Variants in HEATR5B observed in about 807,000 individuals in gnomAD.
HEATR5B encodes HEAT repeat-containing protein 5B.
Under a neutral mutation model 224.1 loss-of-function variants are expected in HEATR5B, and 156 were observed. The observed-to-expected ratio is 0.70, with a 90% CI of 0.61 to 0.80. HEATR5B has a LOEUF of 0.80. Among genes scored for constraint, HEATR5B ranks in the 30% least tolerant of loss-of-function variants. The pLI is 0.00. For synonymous variants in HEATR5B, 1,027 were observed against 893.0 expected, an observed-to-expected ratio of 1.15 and a Z score of -2.68; for missense variants, 2,323 against 2,535.5, an observed-to-expected ratio of 0.92 and a Z score of 1.80.
At chr2:37,000,208 G>A (rs1255576407) in intron 33 of HEATR5B, among the ~76,000 whole-genome samples, 2 of 151,826 alleles carry the variant, frequency 1.3e-5, no homozygotes, top group Non-Finnish European at 2.9e-5. Flanking sequence ...CTCCCAAGTA[G>A]CTGGGATTAC....
At chr2:37,081,620 T>C (rs1672574704) in intron 2 of HEATR5B, among the ~76,000 whole-genome samples, 2 of 152,142 alleles carry the variant, frequency 1.3e-5, no homozygotes, top group East Asian at 1.9e-4. Context: ...GAGGGAATGG[T>C]TGAGAGTCTA....
rs1273202312 is a variant in HEATR5B, at chr2:37,084,368, A to G, written c.-122T>C. The G allele has an allele frequency of 1.4e-5, 8 of 557,040 alleles. No individual in the cohort carries two copies. Among genetic ancestry groups the G allele is most frequent in the Admixed American group, 4.4e-5 (1 of 22,812 alleles). The allele number at this position is 557,040 out of a possible 1,614,324, so 34.5% of individuals were successfully genotyped here. A position where few individuals can be genotyped will look rare whatever the true frequency, so the allele number is the denominator to read the frequency against. On this transcript the variant is annotated 5_prime_UTR_variant, in exon 1 of 36. Transcript: ENST00000233099. Reference sequence around the variant, plus strand: ...TCCCGCACTCCTACCTGCAGGAAACAAGGGAAGAGCGCTTGCGCGGAGGGC... The same window carrying G: ...TCCCGCACTCCTACCTGCAGGAAACGAGGGAAGAGCGCTTGCGCGGAGGGC...
intron 21 of HEATR5B, among the ~76,000 whole-genome samples, chr2:37,037,215 G>C (rs1169534244): frequency 1.4e-5 from 2 of 143,088 alleles, no homozygotes; most frequent in Non-Finnish European, 3.1e-5. Context: ...GTGCGATCTC[G>C]GCTCACTGCA....
At chr2:37,003,431 G>A (rs1667217712) in intron 31 of HEATR5B, 111 bp downstream of exon 31, 2 of 751,400 alleles carry the variant, frequency 2.7e-6, no homozygotes, top group South Asian at 2.1e-5. Context: ...ATGAGACCCT[G>A]CCTCTAAAAA....
At position 37,005,738 on chromosome 2, in the gene HEATR5B, C is replaced by G. The variant is rs1041914432; in HGVS notation, c.4799G>C (p.Cys1600Ser). ...AATGGGCTCCTCAGGTCTAGGGGAACAAAGAAACTGTATACTCACACCTGA... is the reference window on the plus strand; with the variant it reads ...AATGGGCTCCTCAGGTCTAGGGGAAGAAAGAAACTGTATACTCACACCTGA... ...LILGVSIQFLCSPRPEEPIEH... is the reference protein window; with the variant it reads ...LILGVSIQFLSSPRPEEPIEH... Residue 1600 changes from cysteine to serine, a missense_variant, in exon 30 of 36, where the codon TGT becomes TCT. Coordinates refer to ENST00000233099, the MANE Select transcript of HEATR5B (RefSeq NM_019024.3). 8 of 1,595,332 alleles carry G rather than the reference C, an allele frequency of 5.0e-6. No homozygotes were observed. Among genetic ancestry groups the G allele is most frequent in the Non-Finnish European group, 6.8e-6 (8 of 1,174,388 alleles).
intron 22 of HEATR5B, among the ~76,000 whole-genome samples, chr2:37,031,536 C>T (rs545284619): frequency 1.1e-4 from 16 of 150,286 alleles, no homozygotes; most frequent in Non-Finnish European, 2.1e-4. Flanking sequence ...CAAGTAGTCT[C>T]AATTTTGTTT....
Position 37,013,936 on chromosome 2 carries a change from C to T in HEATR5B, c.4189G>A (p.Asp1397Asn), listed in dbSNP as rs1200394685. 3 of 1,612,560 alleles carry T rather than the reference C, an allele frequency of 1.9e-6. No individual in the cohort carries two copies. Among genetic ancestry groups the T allele is most frequent in the African/African-American group, 2.7e-5 (2 of 74,788 alleles). The change falls in exon 27 of 36, where the codon GAC becomes AAC. Residue 1397 changes from aspartate (D) to asparagine (N), a missense_variant. Asp to Asn is a conservative substitution (Grantham distance 23). This residue lies in a region of HEATR5B where 844 missense variants were observed against 812.9 expected (regional missense o/e 1.04). Transcript: ENST00000233099. Reference sequence around the variant, plus strand: ...GATCCTTTTCCAGCCTGAACTTTGTCCAGAGAAGAAACAAGAAGATTGTGT... The same window carrying T: ...GATCCTTTTCCAGCCTGAACTTTGTTCAGAGAAGAAACAAGAAGATTGTGT... The part of the protein sequence containing the change: ...RVHNLLVSSL[D>N]KVQAGKGSSS...
chr2:36,990,867 G>A, intron 33 of HEATR5B, 68 bp from the exon 34 acceptor site: 2 of 1,327,458 alleles, frequency 1.5e-6, no homozygotes, highest in Non-Finnish European at 2.0e-6. Flanking sequence ...TTTTATTTTT[G>A]TAGAGAGAGA....
In HEATR5B at chr2:37,037,923, A is replaced by T. The variant is rs747628665; in HGVS notation, c.3148T>A (p.Cys1050Ser). 1.1e-5 allele frequency: 18 copies of T among 1,601,076 alleles called. No homozygotes were observed. The East Asian group carries it at 4.0e-4, about 36-fold the overall frequency. ...GCAAACATGTGAAGCTGCTGAAGGC[A>T]AGATATGGCAGCTGCCTGAACAAGA... Reference protein sequence around the residue: ...DSLVQAAAISCLQQLHMFAPR... With the variant: ...DSLVQAAAISSLQQLHMFAPR... The change falls in exon 21 of 36, where the codon TGC becomes AGC. Residue 1050 changes from cysteine to serine, a missense_variant. Transcript: ENST00000233099.
intron 2 of HEATR5B, among the ~76,000 whole-genome samples, chr2:37,080,269 G>A (rs1672474342): frequency 6.6e-6 from 1 of 152,186 alleles, no homozygotes; most frequent in Non-Finnish European, 1.5e-5. Flanking sequence ...AACTTTGTAT[G>A]TTACTCTGAG....
chr2:37,038,070 T>C (rs766198525), intron 20 of HEATR5B, 46 bp from the exon 21 acceptor site: 4 of 1,242,848 alleles, frequency 3.2e-6, no homozygotes, highest in Non-Finnish European at 4.3e-6. Context: ...ATTTTATTAG[T>C]ACCACCAAAA....
chr2:37,070,746 T>A (rs1043454657), intron 6 of HEATR5B, among the ~76,000 whole-genome samples: 1 of 152,216 alleles, frequency 6.6e-6, no homozygotes. Flanking sequence ...ACTTTTCTCA[T>A]CACAGTGCTT....
intron 21 of HEATR5B, among the ~76,000 whole-genome samples, chr2:37,034,173 AT>A (rs1331556151): frequency 1.3e-5 from 2 of 150,866 alleles, no homozygotes; most frequent in Non-Finnish European, 3.0e-5. Flanking sequence ...CGCCCGGCTA[AT>A]TTTTTGTATT....
At chr2:37,038,762 T>A (rs543219305) in intron 20 of HEATR5B, among the ~76,000 whole-genome samples, 1 of 145,994 alleles carries the variant, frequency 6.8e-6, no homozygotes, top group Non-Finnish European at 1.5e-5. Context: ...CTGGCCAACA[T>A]AGTGGAACCC....
intron 24 of HEATR5B, among the ~76,000 whole-genome samples, chr2:37,022,435 C>T (rs1488329220): frequency 1.3e-5 from 2 of 152,196 alleles, no homozygotes; most frequent in African/African-American, 2.4e-5. Flanking sequence ...CCTCGGCCTC[C>T]CAAAGTGCTG....
intron 35 of HEATR5B, among the ~76,000 whole-genome samples, chr2:36,987,056 TAA>T (rs956615138): frequency 3.3e-5 from 5 of 152,122 alleles, no homozygotes; most frequent in African/African-American, 1.2e-4. Flanking sequence ...CCTGGCCAAT[TAA>T]AAGTCTTAAA....
chr2:37,012,778 C>T (rs1403438501), intron 27 of HEATR5B, among the ~76,000 whole-genome samples: 2 of 152,130 alleles, frequency 1.3e-5, no homozygotes, highest in African/African-American at 4.8e-5. Context: ...ACAGTCTCCT[C>T]CTCACTCTCA....
chr2:37,034,922 A>G (rs1669383098), intron 21 of HEATR5B, among the ~76,000 whole-genome samples: 4 of 152,162 alleles, frequency 2.6e-5, no homozygotes, highest in African/African-American at 7.2e-5. Flanking sequence ...CAAATACTCC[A>G]TAACTAATTA....
intron 2 of HEATR5B, among the ~76,000 whole-genome samples, chr2:37,082,308 G>A (rs149952990): frequency 2.6e-5 from 4 of 151,922 alleles, no homozygotes; most frequent in African/African-American, 7.2e-5. Flanking sequence ...TGGAACTCCT[G>A]ACCTCAGGTG....
Sources: gnomAD v4.1 joint callset for allele counts (sites outside exome capture counted in the v4.1 genomes callset) on GRCh38, gnomAD v4.1.1 for gene constraint, gnomAD v4.1.1 regional missense constraint, MANE v1.5 for transcripts, NCBI Gene and HGNC (gene_info 2026-07-23, HGNC 2026-07-21) for gene names.